The following SCN8A variants were observed in gnomAD, a reference collection of about 807,000 sequenced individuals.
The protein encoded by SCN8A is sodium voltage-gated channel alpha subunit 8, also known as sodium channel protein type 8 subunit alpha.
SCN8A carries 30 observed loss-of-function variants against 184.1 expected under a neutral mutation model. That is an observed-to-expected ratio of 0.16 (90% CI 0.12 to 0.22). The LOEUF is 0.22. SCN8A is among the 10% of genes least tolerant of loss of function. The pLI is 1.00. For synonymous variants in SCN8A, 852 were observed against 907.0 expected (o/e 0.94, Z 1.09); for missense variants, 1,057 against 2,498.9 (o/e 0.42, Z 12.30).
chr12:51,602,750 G>A (rs1409089541), intron 1 of SCN8A, among the ~76,000 whole-genome samples: 1 of 152,148 alleles, frequency 6.6e-6, no homozygotes, highest in Admixed American at 6.6e-5. Flanking sequence ...GCTTTCTAGT[G>A]TGGCTTTGGG....
At chr12:51,598,146 G>A (rs1055216451) in intron 1 of SCN8A, among the ~76,000 whole-genome samples, 1 of 152,142 alleles carries the variant, frequency 6.6e-6, no homozygotes, top group Non-Finnish European at 1.5e-5. Context: ...TTTAAGATGA[G>A]TATTGTGATA....
At chr12:51,599,867 A>G (rs1312376896) in intron 1 of SCN8A, among the ~76,000 whole-genome samples, 1 of 152,150 alleles carries the variant, frequency 6.6e-6, no homozygotes, top group Non-Finnish European at 1.5e-5. Context: ...AGTTTATAGG[A>G]AGACTCAGTA....
intron 12 of SCN8A, among the ~76,000 whole-genome samples, chr12:51,739,782 G>T (rs1437304300): frequency 2.6e-5 from 4 of 152,166 alleles, no homozygotes; most frequent in Non-Finnish European, 5.9e-5. Flanking sequence ...CGGTCAGGGA[G>T]ACCCTAACCC....
chr12:51,766,112 G>A (rs896457901), intron 16 of SCN8A, 85 bp downstream of exon 16: 8 of 1,007,080 alleles, frequency 7.9e-6, no homozygotes, highest in Non-Finnish European at 1.1e-5. Context: ...CTACTGCTTA[G>A]TCCTTCTACT....
Position 51,768,861 on chromosome 12 carries a change from A to G in SCN8A, c.2902-4A>G, listed in dbSNP as rs1305123924. 6.5e-7 allele frequency: 1 copy of G among 1,534,594 alleles called. No homozygotes were observed. On this transcript the variant is annotated splice_region_variant and splice_polypyrimidine_tract_variant and intron_variant, in intron 16 of 26. Coordinates refer to ENST00000627620, the MANE Select transcript of SCN8A (RefSeq NM_001330260.2). ...GTTCCTTTTTTCCAATGCTACTGGCATAGGTGCTGAACCTGTTTCTGGCCT... is the reference window on the plus strand; with the variant it reads ...GTTCCTTTTTTCCAATGCTACTGGCGTAGGTGCTGAACCTGTTTCTGGCCT...
chr12:51,794,483 A>G lies in SCN8A; in HGVS notation c.4637A>G (p.Gln1546Arg), dbSNP rs765823257. ...MVTMMVETDTQSKQMENILYW... is the reference protein window; with the variant it reads ...MVTMMVETDTRSKQMENILYW... The stretch of plus-strand genomic sequence containing the variant: ...ACAATGATGGTGGAGACAGACACTC[A>G]AAGCAAGCAGATGGAGAACATCCTC... The change falls in exon 26 of 27, where the codon CAA (glutamine) becomes CGA (arginine). Residue 1546 changes from glutamine to arginine, a missense_variant. Coordinates refer to ENST00000627620, the MANE Select transcript of SCN8A (RefSeq NM_001330260.2). 3 of 1,613,944 alleles carry G rather than the reference A, an allele frequency of 1.9e-6. No individual in the cohort carries two copies. Among genetic ancestry groups the G allele is most frequent in the Admixed American group, 1.7e-5 (1 of 60,010 alleles).
chr12:51,763,524 A>G (rs1322526963), intron 15 of SCN8A, among the ~76,000 whole-genome samples: 1 of 152,226 alleles, frequency 6.6e-6, no homozygotes, highest in Non-Finnish European at 1.5e-5. Context: ...GTCAAGGAGC[A>G]TCTGTATTAT....
intron 11 of SCN8A, 143 bp downstream of exon 11, chr12:51,706,858 CATCCCCTCT>C: frequency 1.7e-6 from 1 of 594,014 alleles, no homozygotes; most frequent in Non-Finnish European, 2.6e-6. Context: ...TTTCCTCTTT[CATCCCCTCT>C]ATCCCCTCTT....
At chr12:51,728,805 G>A (rs1185387663) in intron 12 of SCN8A, among the ~76,000 whole-genome samples, 2 of 149,682 alleles carry the variant, frequency 1.3e-5, no homozygotes, top group African/African-American at 2.5e-5. Context: ...CTTAATTTTT[G>A]TTCCCATTTT....
At chr12:51,649,909 C>T (rs1396291746) in intron 1 of SCN8A, among the ~76,000 whole-genome samples, 1 of 152,188 alleles carries the variant, frequency 6.6e-6, no homozygotes, top group African/African-American at 2.4e-5. Flanking sequence ...CATGGACAGG[C>T]TGCAAATTTT....
rs372397167 is a variant in SCN8A at position 51,664,549 on chromosome 12, A to G, written c.276+1456A>G. 9.9e-5 allele frequency among the ~76,000 whole-genome samples: 15 copies of G among 152,194 alleles called. No individual in the cohort carries two copies. In the South Asian group the frequency reaches 1.7e-3, roughly 17 times the overall value. On this transcript the variant is annotated intron_variant, in intron 2 of 26. Coordinates refer to ENST00000627620, the MANE Select transcript of SCN8A (RefSeq NM_001330260.2). ...TATTTTTTAGTAAATGTATTGTCCAAGCTACCACAGATAATTTATGGGGAA... is the reference window on the plus strand; with the variant it reads ...TATTTTTTAGTAAATGTATTGTCCAGGCTACCACAGATAATTTATGGGGAA...
chr12:51,757,450 C>T lies in SCN8A; in HGVS notation c.2371-5053C>T, dbSNP rs1256287892. Reference sequence around the variant, plus strand: ...AGCACAAAGAGAGGAGCATGCCAGACGCTCGTCACTTTCAAATAAGGCTGA... The same window carrying T: ...AGCACAAAGAGAGGAGCATGCCAGATGCTCGTCACTTTCAAATAAGGCTGA... On this transcript the variant is annotated intron_variant, in intron 14 of 26. Transcript: ENST00000627620. 5.3e-5 allele frequency among the ~76,000 whole-genome samples: 8 copies of T among 152,146 alleles called. No individual in the cohort carries two copies. The East Asian group carries it at 1.3e-3, about 26-fold the overall frequency.
intron 21 of SCN8A, among the ~76,000 whole-genome samples, chr12:51,783,819 A>G (rs1937997056): frequency 6.6e-6 from 1 of 152,252 alleles, no homozygotes; most frequent in African/African-American, 2.4e-5. Flanking sequence ...ATTATAGAGA[A>G]GACAAAAATA....
chr12:51,783,129 G>T (rs1166787724), intron 21 of SCN8A, among the ~76,000 whole-genome samples: 2 of 152,188 alleles, frequency 1.3e-5, no homozygotes, highest in Non-Finnish European at 2.9e-5. Context: ...ACCATGGCTG[G>T]TTGGACAGGT....
chr12:51,805,747 CAAAAGACAAATGTGTGTGTTAGTTATGTG>C (rs1938682101), intron 26 of SCN8A, among the ~76,000 whole-genome samples: 2 of 152,126 alleles, frequency 1.3e-5, no homozygotes, highest in African/African-American at 4.8e-5. Context: ...ACAACAACAT[CAAAAGACAAATGTGTGTGTTAGTTATGTG>C]TGTTAGGCAC....
At chr12:51,712,786 C>T (rs1482942133) in intron 11 of SCN8A, 1 of 1,178,700 alleles carries the variant, frequency 8.5e-7, no homozygotes, top group Non-Finnish European at 1.3e-6. Context: ...ATAGTTGCCA[C>T]CGTCACTTCC....
intron 12 of SCN8A, among the ~76,000 whole-genome samples, chr12:51,738,532 G>C (rs1942365308): frequency 6.6e-6 from 1 of 152,130 alleles, no homozygotes; most frequent in Admixed American, 6.5e-5. Context: ...ACGTTTATCA[G>C]TAATTTGATT....
rs749734641 is a variant in SCN8A, at chr12:51,784,200, G to C, written c.3943-2342G>C. Among the ~76,000 whole-genome samples the C allele has an allele frequency of 3.3e-5, 5 of 152,352 alleles. No individual in the cohort carries two copies. The East Asian group carries it at 5.8e-4, about 18-fold the overall frequency. On this transcript the variant is annotated intron_variant, in intron 21 of 26. Coordinates refer to ENST00000627620, the MANE Select transcript of SCN8A (RefSeq NM_001330260.2). ...TATGGAGCACAGTTAAATAGTTTCTGCTTAACATATTGCAGCTTATCAGCT... is the reference window on the plus strand; with the variant it reads ...TATGGAGCACAGTTAAATAGTTTCTCCTTAACATATTGCAGCTTATCAGCT...
chr12:51,684,037 C>T (rs56339486), intron 2 of SCN8A, 137 bp from the exon 3 acceptor site: 2 of 679,214 alleles, frequency 2.9e-6, no homozygotes, highest in Admixed American at 2.1e-5. Context: ...GTTAAGTTTG[C>T]TTGTTTAAAA....
Sources: gnomAD v4.1 joint callset for allele counts (sites outside exome capture counted in the v4.1 genomes callset) on GRCh38, gnomAD v4.1.1 for gene constraint, MANE v1.5 for transcripts, NCBI Gene and HGNC (gene_info 2026-07-23, HGNC 2026-07-21) for gene names.